Variants in PTPRT observed in about 807,000 individuals in gnomAD.
The protein encoded by PTPRT is receptor-type tyrosine-protein phosphatase T.
Under a neutral mutation model 176.8 loss-of-function variants are expected in PTPRT, and 56 were observed. The ratio of observed to expected loss-of-function variants is 0.32; its 90% CI spans 0.26 to 0.40. PTPRT has a LOEUF of 0.40. Ranked by LOEUF, PTPRT falls within the 10% of genes least tolerant of loss-of-function variation. The pLI is 1.00. For missense variants in PTPRT, 1,540 were observed against 1,908.2 expected, an observed-to-expected ratio of 0.81 and a Z score of 3.60; for synonymous variants, 783 against 739.0, an observed-to-expected ratio of 1.06 and a Z score of -0.96.
intron 13 of PTPRT, among the ~76,000 whole-genome samples, chr20:42,278,778 T>C (rs910234607): frequency 2.0e-5 from 3 of 152,144 alleles, no homozygotes; most frequent in African/African-American, 7.2e-5. Flanking sequence ...GATGGGATAA[T>C]GTACCTCTCA....
intron 6 of PTPRT, among the ~76,000 whole-genome samples, chr20:42,712,946 A>G (rs77535421): frequency 2.8e-3 from 431 of 152,352 alleles, no homozygotes; most frequent in Non-Finnish European, 4.8e-3. Flanking sequence ...TCCCAGAGCT[A>G]TGAGAAAGGA....
At chr20:42,479,787 G>A (rs188142409) in intron 7 of PTPRT, among the ~76,000 whole-genome samples, 1 of 152,154 alleles carries the variant, frequency 6.6e-6, no homozygotes, top group African/African-American at 2.4e-5. Flanking sequence ...ATGTTCGACT[G>A]GTAAGTATAA....
At position 42,494,400 on chromosome 20, in the gene PTPRT, G is replaced by A. The variant is rs530297111; in HGVS notation, c.1154-21838C>T. The stretch of plus-strand genomic sequence containing the variant: ...CTATGAAAGAGAGTCTCTTCATAAG[G>A]CATGGATTTAGCGGAGGACGGTGGG... On this transcript the variant is annotated intron_variant, in intron 7 of 30. Coordinates refer to ENST00000373187, the MANE Select transcript of PTPRT (RefSeq NM_007050.6). Among the ~76,000 whole-genome samples, 7 of 152,240 alleles carry A rather than the reference G, an allele frequency of 4.6e-5. No individual in the cohort carries two copies. The South Asian group carries it at 1.2e-3, about 27-fold the overall frequency.
chr20:42,418,263 T>A (rs2059084852), intron 9 of PTPRT, among the ~76,000 whole-genome samples: 1 of 152,212 alleles, frequency 6.6e-6, no homozygotes, highest in Non-Finnish European at 1.5e-5. Context: ...ATTATTAAAA[T>A]AATTTTACCT....
intron 17 of PTPRT, among the ~76,000 whole-genome samples, chr20:42,143,902 G>A (rs1988746148): frequency 6.6e-6 from 1 of 152,222 alleles, no homozygotes; most frequent in East Asian, 1.9e-4. Context: ...CCACCATGGG[G>A]TTGGCACAAA....
At chr20:42,753,627 T>A (rs1330467993) in intron 6 of PTPRT, among the ~76,000 whole-genome samples, 1 of 152,102 alleles carries the variant, frequency 6.6e-6, no homozygotes, top group African/African-American at 2.4e-5. Flanking sequence ...TTCAGAGCAG[T>A]GGTAGCTGCG....
intron 12 of PTPRT, among the ~76,000 whole-genome samples, chr20:42,290,845 T>C (rs1181583889): frequency 6.6e-6 from 1 of 151,984 alleles, no homozygotes; most frequent in African/African-American, 2.4e-5. Flanking sequence ...AGTGGAACTG[T>C]TTAGGTCATC....
At chr20:42,140,346 T>C (rs1275487007) in intron 18 of PTPRT, among the ~76,000 whole-genome samples, 2 of 152,222 alleles carry the variant, frequency 1.3e-5, no homozygotes, top group East Asian at 3.9e-4. Context: ...AGACAAAGGC[T>C]GTTGTAGACT....
At chr20:42,846,584 C>T (rs2078376429) in intron 2 of PTPRT, among the ~76,000 whole-genome samples, 1 of 152,190 alleles carries the variant, frequency 6.6e-6, no homozygotes, top group Non-Finnish European at 1.5e-5. Context: ...GGGACAATGG[C>T]TACAGGCATT....
intron 9 of PTPRT, among the ~76,000 whole-genome samples, chr20:42,411,510 C>G (rs1208899413): frequency 1.2e-5 from 1 of 85,740 alleles, no homozygotes; most frequent in Non-Finnish European, 2.2e-5. Flanking sequence ...AGAGCTAAAC[C>G]CTGTCTCAAA....
intron 16 of PTPRT, 136 bp from the exon 17 acceptor site, chr20:42,161,678 G>A (rs1989608559): frequency 1.3e-6 from 1 of 793,660 alleles, no homozygotes. Flanking sequence ...ACTGCAAAAG[G>A]ATTGGAGATA....
intron 6 of PTPRT, among the ~76,000 whole-genome samples, chr20:42,682,427 C>A (rs899425092): frequency 6.6e-6 from 1 of 152,150 alleles, no homozygotes; most frequent in Non-Finnish European, 1.5e-5. Context: ...TGCTTGAATT[C>A]CTAACAGTTT....
chr20:43,009,853 T>C (rs546036726), intron 1 of PTPRT, among the ~76,000 whole-genome samples: 30 of 152,252 alleles, frequency 2.0e-4, no homozygotes, highest in Non-Finnish European at 4.3e-4. Flanking sequence ...TCAGGTTTAG[T>C]CGAGCGGAGC....
chr20:42,898,021 C>T (rs2079333618), intron 1 of PTPRT, among the ~76,000 whole-genome samples: 1 of 152,198 alleles, frequency 6.6e-6, no homozygotes, highest in African/African-American at 2.4e-5. Flanking sequence ...GAAACTGTAT[C>T]TGAGTCTGCC....
At chr20:42,861,923 G>A (rs1453853383) in intron 2 of PTPRT, among the ~76,000 whole-genome samples, 1 of 152,052 alleles carries the variant, frequency 6.6e-6, no homozygotes, top group Non-Finnish European at 1.5e-5. Context: ...TGTGGCAGAG[G>A]ATGTGAATAA....
At chr20:42,085,070 T>C (rs1306159660) in intron 28 of PTPRT, among the ~76,000 whole-genome samples, 1 of 152,172 alleles carries the variant, frequency 6.6e-6, no homozygotes, top group Non-Finnish European at 1.5e-5. Context: ...AAACTCCTGC[T>C]CAGCCTTCAA....
At chr20:42,425,076 C>T (rs572205265) in intron 9 of PTPRT, among the ~76,000 whole-genome samples, 6 of 152,150 alleles carry the variant, frequency 3.9e-5, no homozygotes, top group Admixed American at 2.6e-4. Context: ...TTGTGAGTTA[C>T]GTATTATGAG....
intron 27 of PTPRT, among the ~76,000 whole-genome samples, chr20:42,089,254 C>T (rs1237734985): frequency 2.6e-5 from 4 of 152,124 alleles, no homozygotes; most frequent in African/African-American, 9.7e-5. Context: ...CGCCTTGCAA[C>T]CTTCACAGTA....
At chr20:42,773,358 T>C (rs866550073) in intron 4 of PTPRT, among the ~76,000 whole-genome samples, 92 of 152,194 alleles carry the variant, frequency 6.0e-4, no homozygotes, top group African/African-American at 2.1e-3. Flanking sequence ...GAAGAGTTCA[T>C]TGATCGCTTA....
Sources: allele counts gnomAD v4.1 joint callset (sites outside exome capture counted in the v4.1 genomes callset), GRCh38; gene constraint gnomAD v4.1.1; transcripts MANE v1.5; gene names NCBI Gene and HGNC (gene_info 2026-07-23, HGNC 2026-07-21).